CFAP54: variants seen among roughly 807,000 people sequenced by gnomAD.
CFAP54 encodes cilia- and flagella-associated protein 54.
CFAP54 carries 290 observed loss-of-function variants against 370.4 expected under a neutral mutation model. The observed-to-expected ratio is 0.78, with a 90% CI of 0.71 to 0.86. The LOEUF is 0.86. CFAP54 is among the 40% of genes least tolerant of loss of function. The pLI, the probability that CFAP54 is intolerant of heterozygous loss-of-function variation, is 0.00. For synonymous variants in CFAP54, 1,206 were observed against 1,236.5 expected (o/e 0.98, Z 0.52); for missense variants, 3,399 against 3,528.7 (o/e 0.96, Z 0.93).
chr12:96,554,587 G>A (rs1486449613), intron 16 of CFAP54, 89 bp from the exon 17 acceptor site: 1 of 1,282,408 alleles, frequency 7.8e-7, no homozygotes, highest in Non-Finnish European at 1.0e-6. Context: ...CAAATAAGAT[G>A]ATGATAACTT....
At chr12:96,851,767 A>G (rs970829971) in intron 66 of CFAP54, among the ~76,000 whole-genome samples, 1 of 152,100 alleles carries the variant, frequency 6.6e-6, no homozygotes, top group African/African-American at 2.4e-5. Flanking sequence ...CAACTTTTCT[A>G]TACTATTCAT....
At chr12:96,752,120 G>GAGAGAGAGAGAGAGAGAGAGAGAGAT (rs1958192710) in intron 55 of CFAP54, among the ~76,000 whole-genome samples, 1 of 150,650 alleles carries the variant, frequency 6.6e-6, no homozygotes, top group African/African-American at 2.5e-5. Context: ...GAGAGAGAGA[G>GAGAGAGAGAGAGAGAGAGAGAGAGAT]AGAGAGAGAG....
At chr12:96,566,886 AC>A (rs1163064935) in intron 19 of CFAP54, among the ~76,000 whole-genome samples, 1 of 152,152 alleles carries the variant, frequency 6.6e-6, no homozygotes, top group African/African-American at 2.4e-5. Context: ...TGATTGATTT[AC>A]CTTCTTTTTG....
chr12:96,630,647 G>A lies in CFAP54; in HGVS notation c.4312G>A (p.Glu1438Lys). 6.8e-7 allele frequency: 1 copy of A among 1,476,144 alleles called. No homozygotes were observed. Among genetic ancestry groups the A allele is most frequent in the Non-Finnish European group, 9.0e-7 (1 of 1,115,044 alleles). 91.4% of individuals were successfully genotyped at this position (1,476,144 alleles called of 1,614,324 possible). A position where few individuals can be genotyped will look rare whatever the true frequency, so the allele number is the denominator to read the frequency against. Residue 1438 changes from glutamate to lysine, a missense_variant, in exon 32 of 68, where the codon GAA becomes AAA. Glu to Lys is a moderately conservative substitution (Grantham distance 56). Transcript: ENST00000524981. ...GGCTATTTCTGAAATGGTGGCACATGAAAGGTATTCACTAATTAATTAATT... is the reference window on the plus strand; with the variant it reads ...GGCTATTTCTGAAATGGTGGCACATAAAAGGTATTCACTAATTAATTAATT... ...NPAISEMVAH[E>K]RNRRTSVRKA...
At chr12:96,802,189 C>G (rs1261845519) in intron 63 of CFAP54, among the ~76,000 whole-genome samples, 1 of 152,036 alleles carries the variant, frequency 6.6e-6, no homozygotes, top group Non-Finnish European at 1.5e-5. Context: ...TAGAACAATA[C>G]CCACCACCCT....
chr12:96,703,032 C>T (rs1489035560), intron 46 of CFAP54, among the ~76,000 whole-genome samples: 1 of 152,062 alleles, frequency 6.6e-6, no homozygotes, highest in East Asian at 1.9e-4. Context: ...GATTCAGTTA[C>T]TCACTTTTCA....
At chr12:96,684,192 C>T (rs1565941581) in intron 40 of CFAP54, among the ~76,000 whole-genome samples, 1 of 152,170 alleles carries the variant, frequency 6.6e-6, no homozygotes, top group Non-Finnish European at 1.5e-5. Context: ...ACCCTTTGAG[C>T]CTTTCCATCT....
intron 22 of CFAP54, among the ~76,000 whole-genome samples, chr12:96,587,788 T>G (rs1956087955): frequency 6.6e-6 from 1 of 152,148 alleles, no homozygotes; most frequent in South Asian, 2.1e-4. Flanking sequence ...TTAATAATTA[T>G]ATATTTTAAT....
intron 66 of CFAP54, among the ~76,000 whole-genome samples, chr12:96,845,392 A>T (rs1000126338): frequency 1.3e-5 from 2 of 152,246 alleles, no homozygotes; most frequent in Admixed American, 6.5e-5. Context: ...AGGATTGAAA[A>T]CTTCGTTTTC....
intron 50 of CFAP54, among the ~76,000 whole-genome samples, chr12:96,730,412 A>G (rs1957907806): frequency 6.6e-6 from 1 of 152,232 alleles, no homozygotes; most frequent in Non-Finnish European, 1.5e-5. Context: ...AGCAGACACA[A>G]TAAATGTCAG....
rs1400537540 is a variant in CFAP54, at chr12:96,700,044, A to G, written c.6425A>G (p.Asn2142Ser). 1.9e-6 allele frequency: 3 copies of G among 1,610,508 alleles called. No individual in the cohort carries two copies. Residue 2142 changes from asparagine (N) to serine (S), a missense_variant, in exon 46 of 68, where the codon AAC (asparagine) becomes AGC (serine). By Grantham distance (46) the Asn-to-Ser change is conservative. Around this residue, in one of 3 missense-constraint regions of CFAP54, gnomAD observed 2,796 missense variants for 2,869.7 expected, o/e 0.97. Coordinates refer to ENST00000524981, the MANE Select transcript of CFAP54 (RefSeq NM_001306084.2). ...ATATCCCAAATTTTCTATGGAAAAAACATGCCTTGTCCAATACCTGCAGGC... is the reference window on the plus strand; with the variant it reads ...ATATCCCAAATTTTCTATGGAAAAAGCATGCCTTGTCCAATACCTGCAGGC... ...YEISQIFYGK[N>S]MPCPIPAGYK...
Position 96,626,827 on chromosome 12 carries a change from CA to C in CFAP54, c.3996del (p.Lys1332AsnfsTer13). ...GAVKEVMKFK[Q>X]KPRFLEFFTQ... Reference sequence around the variant, plus strand: ...TGTTATTACAGTTATGAAATTTAAGCAAAAACCAAGATTTCTGGAATTCTTT... The same window carrying C: ...TGTTATTACAGTTATGAAATTTAAGCAAAACCAAGATTTCTGGAATTCTTT... On this transcript the variant is annotated frameshift_variant, in exon 30 of 68. Coordinates refer to ENST00000524981, the MANE Select transcript of CFAP54 (RefSeq NM_001306084.2). LOFTEE classifies it high-confidence loss of function. 4 of 1,384,950 alleles carry C rather than the reference CA, an allele frequency of 2.9e-6. No individual in the cohort carries two copies. Among genetic ancestry groups the C allele is most frequent in the South Asian group, 1.6e-5 (1 of 62,726 alleles). 85.8% of individuals were successfully genotyped at this position (1,384,950 alleles called of 1,614,324 possible).
intron 50 of CFAP54, among the ~76,000 whole-genome samples, 166 bp from the exon 51 acceptor site, chr12:96,739,790 G>C (rs1473968805): frequency 6.6e-6 from 1 of 152,156 alleles, no homozygotes; most frequent in Non-Finnish European, 1.5e-5. Context: ...ACTAGTGTGT[G>C]GTTAAGACCA....
chr12:96,627,057 C>G (rs1410939478), intron 30 of CFAP54, 118 bp downstream of exon 30: 1 of 606,892 alleles, frequency 1.6e-6, no homozygotes, highest in Admixed American at 4.2e-5. Context: ...GTTAAAACCA[C>G]TGCCTAAGAG....
rs531689108 is a variant in CFAP54 at position 96,534,218 on chromosome 12, G to T, written c.1696G>T (p.Ala566Ser). 1 of 1,428,306 alleles carries T rather than the reference G, an allele frequency of 7.0e-7. No individual in the cohort carries two copies. Among genetic ancestry groups the T allele is most frequent in the African/African-American group, 1.4e-5 (1 of 70,194 alleles). 88.5% of individuals were successfully genotyped at this position (1,428,306 alleles called of 1,614,324 possible). A position where few individuals can be genotyped will look rare whatever the true frequency, so the allele number is the denominator to read the frequency against. ...AACTCAAATTTATTTAAAAAAAATT[G>T]CTGTTCATGGTAAGTATTTATTTGT... ...QSTQIYLKKI[A>S]VHDTCLKTCG... Residue 566 changes from alanine (A) to serine (S), a missense_variant, in exon 11 of 68, where the codon GCT (alanine) becomes TCT (serine). Physicochemically the swap from Ala to Ser is moderately conservative, Grantham distance 99. Transcript: ENST00000524981.
intron 67 of CFAP54, among the ~76,000 whole-genome samples, chr12:96,864,586 C>T (rs1461522120): frequency 6.6e-6 from 1 of 152,148 alleles, no homozygotes; most frequent in East Asian, 1.9e-4. Flanking sequence ...TGCATTGCCC[C>T]TTCCTGCCCC....
At chr12:96,727,352 G>A (rs1281301844) in intron 50 of CFAP54, among the ~76,000 whole-genome samples, 3 of 150,698 alleles carry the variant, frequency 2.0e-5, no homozygotes, top group African/African-American at 7.4e-5. Context: ...TGATGAATCT[G>A]GGTGCTCCTG....
intron 51 of CFAP54, among the ~76,000 whole-genome samples, chr12:96,741,448 C>A (rs1167652777): frequency 6.6e-6 from 1 of 152,130 alleles, no homozygotes; most frequent in African/African-American, 2.4e-5. Flanking sequence ...CAGGTGTGAG[C>A]CACCGCGCCG....
At chr12:96,620,431 C>T (rs529069947) in intron 26 of CFAP54, among the ~76,000 whole-genome samples, 9 of 152,314 alleles carry the variant, frequency 5.9e-5, no homozygotes, top group African/African-American at 1.9e-4. Flanking sequence ...GGCCCTCTTG[C>T]TTGCCACCAT....
Sources: allele counts gnomAD v4.1 joint callset (sites outside exome capture counted in the v4.1 genomes callset), GRCh38; gene constraint gnomAD v4.1.1; regional missense constraint gnomAD v4.1.1; transcripts MANE v1.5; gene names NCBI Gene and HGNC (gene_info 2026-07-23, HGNC 2026-07-21).